The following PIK3C3 variants were observed in gnomAD, a reference collection of about 807,000 sequenced individuals.
PIK3C3 encodes PI3-kinase type 3.
PIK3C3 carries 95 observed loss-of-function variants against 126.1 expected under a neutral mutation model. The ratio of observed to expected loss-of-function variants is 0.75; its 90% CI spans 0.64 to 0.89. The LOEUF (loss-of-function observed/expected upper bound fraction) is 0.89, where lower values mean the gene tolerates loss of function less well. Among genes scored for constraint, PIK3C3 ranks in the 40% least tolerant of loss-of-function variants. PIK3C3 has a pLI of 0.00. For missense variants in PIK3C3, 829 were observed against 1,063.2 expected (o/e 0.78, Z 3.06); for synonymous variants, 374 against 360.0 (o/e 1.04, Z -0.44).
intron 4 of PIK3C3, among the ~76,000 whole-genome samples, chr18:41,975,318 G>A (rs995316468): frequency 1.2e-4 from 18 of 152,208 alleles, no homozygotes; most frequent in African/African-American, 4.3e-4. Context: ...GTCGCATGTA[G>A]CAATTTAGAT....
chr18:42,083,025 CCTTT>C lies in PIK3C3; in HGVS notation c.*1891_*1894del, dbSNP rs1396558790. ...TAACAAGAATTGTAAAGAGGATAAA[CCTTT>C]CTAGGAAGGTTGATGCGTGTTGGGT... On this transcript the variant is annotated 3_prime_UTR_variant, in exon 25 of 25. Transcript: ENST00000262039. The C allele has an allele frequency of 6.6e-6, 1 of 152,114 alleles. No individual in the cohort carries two copies. Among genetic ancestry groups the C allele is most frequent in the Non-Finnish European group, 1.5e-5 (1 of 68,022 alleles). The allele number at this position is 152,114 out of a possible 1,614,324, so 9.4% of individuals were successfully genotyped here. A position where few individuals can be genotyped will look rare whatever the true frequency, so the allele number is the denominator to read the frequency against.
chr18:41,991,879 A>C (rs1981796085), intron 6 of PIK3C3, among the ~76,000 whole-genome samples: 1 of 152,198 alleles, frequency 6.6e-6, no homozygotes, highest in African/African-American at 2.4e-5. Context: ...AATGTGAGTG[A>C]AACTGTTCTG....
intron 20 of PIK3C3, among the ~76,000 whole-genome samples, chr18:42,044,096 G>T (rs1385872360): frequency 6.6e-6 from 1 of 152,076 alleles, no homozygotes; most frequent in Non-Finnish European, 1.5e-5. Context: ...TTTTCCATTA[G>T]ATTTTCTCTA....
intron 4 of PIK3C3, among the ~76,000 whole-genome samples, chr18:41,971,927 A>G (rs1370979203): frequency 6.6e-6 from 1 of 152,024 alleles, no homozygotes; most frequent in African/African-American, 2.4e-5. Context: ...TAAACACATT[A>G]TTTAGGCTTC....
At chr18:41,973,685 C>T (rs1980778414) in intron 4 of PIK3C3, among the ~76,000 whole-genome samples, 1 of 151,972 alleles carries the variant, frequency 6.6e-6, no homozygotes, top group Non-Finnish European at 1.5e-5. Flanking sequence ...GTTAGATTGT[C>T]ACTCTCTTTC....
chr18:41,984,195 ATG>A lies in PIK3C3; in HGVS notation c.532-3615_532-3614del, dbSNP rs199912777. 3.3e-3 allele frequency among the ~76,000 whole-genome samples: 497 copies of A among 152,214 alleles called. 3 individuals are homozygous for A. The highest frequency in any genetic ancestry group is 0.012 in the African/African-American group (480 of 41,530). ...GAATGCAGATTTTCTCTTTGGAAAG[ATG>A]TAAATCACTGACATTACAGACCCAA... On this transcript the variant is annotated intron_variant, in intron 4 of 24. Transcript: ENST00000262039.
At chr18:41,991,530 G>A (rs1436035172) in intron 6 of PIK3C3, among the ~76,000 whole-genome samples, 1 of 152,144 alleles carries the variant, frequency 6.6e-6, no homozygotes, top group African/African-American at 2.4e-5. Context: ...AAGCTGATAT[G>A]CAGTGTATTT....
Position 41,986,601 on chromosome 18 carries a change from T to C in PIK3C3, c.532-1211T>C, listed in dbSNP as rs578252501. 1.3e-4 allele frequency among the ~76,000 whole-genome samples: 20 copies of C among 149,866 alleles called. No individual in the cohort carries two copies. In the South Asian group the frequency reaches 3.7e-3, roughly 28 times the overall value. On this transcript the variant is annotated intron_variant, in intron 4 of 24. Coordinates refer to ENST00000262039, the MANE Select transcript of PIK3C3 (RefSeq NM_002647.4). The stretch of plus-strand genomic sequence containing the variant: ...TCTTCCAGCTCCTACTCTAGCACTC[T>C]TTTCTGTAGGTCACATTGTCTGATC...
intron 13 of PIK3C3, among the ~76,000 whole-genome samples, chr18:42,022,561 A>C (rs1038184317): frequency 6.6e-6 from 1 of 152,108 alleles, no homozygotes; most frequent in African/African-American, 2.4e-5. Context: ...GGTTCTCTTT[A>C]CAACAAAGAA....
At chr18:41,996,391 A>G (rs188986477) in intron 8 of PIK3C3, among the ~76,000 whole-genome samples, 4 of 152,312 alleles carry the variant, frequency 2.6e-5, no homozygotes, top group Non-Finnish European at 2.9e-5. Flanking sequence ...GTTGAATTAA[A>G]TGAACTCTCC....
Position 42,086,604 on chromosome 18 carries a change from C to T in PIK3C3, c.*5467C>T, listed in dbSNP as rs1330716405. 1 of 152,210 alleles carries T rather than the reference C, an allele frequency of 6.6e-6. No individual in the cohort carries two copies. Among genetic ancestry groups the T allele is most frequent in the African/African-American group, 2.4e-5 (1 of 41,448 alleles). 9.4% of individuals were successfully genotyped at this position (152,210 alleles called of 1,614,324 possible). A position where few individuals can be genotyped will look rare whatever the true frequency, so the allele number is the denominator to read the frequency against. On this transcript the variant is annotated 3_prime_UTR_variant, in exon 25 of 25. Transcript: ENST00000262039. ...AATGAAAGTGACCTCCGGTCATCCT[C>T]ACTGCTCATTATACGCTAGTTATAA...
chr18:42,029,477 A>C (rs991546572), intron 15 of PIK3C3, 36 bp downstream of exon 15: 2 of 1,127,214 alleles, frequency 1.8e-6, no homozygotes, highest in Non-Finnish European at 2.7e-6. Context: ...TCCTAATAGC[A>C]TCTTGGCATC....
At chr18:41,996,777 T>G in intron 9 of PIK3C3, 47 bp downstream of exon 9, 1 of 933,884 alleles carries the variant, frequency 1.1e-6, no homozygotes, top group East Asian at 2.5e-5. Context: ...CTACCAACTT[T>G]GTTATTAATG....
chr18:41,979,342 G>A (rs556721887), intron 4 of PIK3C3, among the ~76,000 whole-genome samples: 3 of 152,190 alleles, frequency 2.0e-5, no homozygotes, highest in South Asian at 2.1e-4. Context: ...ACTCTCATTC[G>A]GAAATGGGCT....
intron 10 of PIK3C3, among the ~76,000 whole-genome samples, chr18:42,012,350 A>G (rs1035522384): frequency 6.6e-6 from 1 of 152,168 alleles, no homozygotes; most frequent in Non-Finnish European, 1.5e-5. Context: ...GTTGTTACAA[A>G]TAGGAAAGTG....
Position 41,957,591 on chromosome 18 carries a change from A to G in PIK3C3, c.90A>G (p.Arg30=), listed in dbSNP as rs749804805. The part of the protein sequence containing the change: ...QLKIGSLEGK[R]EQKSYKAVLE... ...TCAGAGGAAGCTTGGAAGGGAAGAG[A>G]GAACAAAAGAGTTATAAAGCTGTCC... The change falls in exon 2 of 25, where the codon AGA becomes AGG. Residue 30 remains arginine (R), a synonymous_variant. Coordinates refer to ENST00000262039, the MANE Select transcript of PIK3C3 (RefSeq NM_002647.4). 2 of 1,608,744 alleles carry G rather than the reference A, an allele frequency of 1.2e-6. No homozygotes were observed. The highest frequency in any genetic ancestry group is 3.5e-5 in the Admixed American group (2 of 57,960).
At chr18:42,058,097 AT>A (rs769141227) in intron 22 of PIK3C3, 46 bp downstream of exon 22, 1 of 1,475,214 alleles carries the variant, frequency 6.8e-7, no homozygotes, top group South Asian at 1.4e-5. Flanking sequence ...AATTTATTTT[AT>A]TTTATAGAAC....
intron 11 of PIK3C3, among the ~76,000 whole-genome samples, chr18:42,014,547 C>T (rs1567983861): frequency 6.6e-6 from 1 of 152,142 alleles, no homozygotes; most frequent in Non-Finnish European, 1.5e-5. Flanking sequence ...GTAGAGTTGA[C>T]TCCAAATCCC....
chr18:42,027,745 C>G (rs1983636901), intron 14 of PIK3C3, among the ~76,000 whole-genome samples, 197 bp downstream of exon 14: 1 of 152,160 alleles, frequency 6.6e-6, no homozygotes, highest in Non-Finnish European at 1.5e-5. Flanking sequence ...GCCTCTGCCT[C>G]CTGGGTTCAA....
Sources: allele counts gnomAD v4.1 joint callset (sites outside exome capture counted in the v4.1 genomes callset), GRCh38; gene constraint gnomAD v4.1.1; transcripts MANE v1.5; gene names NCBI Gene and HGNC (gene_info 2026-07-23, HGNC 2026-07-21).